OR2L3: variants seen among roughly 807,000 people sequenced by gnomAD.
OR2L3 encodes olfactory receptor family 2 subfamily L member 3.
For missense variants in OR2L3, 369 were observed against 376.6 expected, an observed-to-expected ratio of 0.98 and a Z score of 0.17; for synonymous variants, 131 against 139.1, an observed-to-expected ratio of 0.94 and a Z score of 0.41.
intron 1 of OR2L3, among the ~76,000 whole-genome samples, chr1:248,059,055 G>T (rs1025408044): frequency 2.0e-5 from 3 of 152,092 alleles, no homozygotes; most frequent in Non-Finnish European, 4.4e-5. Flanking sequence ...CATCTCTGAA[G>T]ATATGAATTC....
intron 1 of OR2L3, among the ~76,000 whole-genome samples, chr1:248,060,122 T>C (rs1458509344): frequency 6.6e-6 from 1 of 152,170 alleles, no homozygotes; most frequent in African/African-American, 2.4e-5. Context: ...TAAATCTAAA[T>C]GTATGCATTT....
chr1:248,049,524 A>T (rs1287277395), intron 1 of OR2L3, among the ~76,000 whole-genome samples: 1 of 152,170 alleles, frequency 6.6e-6, no homozygotes, highest in Non-Finnish European at 1.5e-5. Flanking sequence ...CAAGATAGAA[A>T]ATATCTTTCA....
chr1:248,051,382 T>C (rs1005624599), intron 1 of OR2L3: 1 of 152,252 alleles, frequency 6.6e-6, no homozygotes, highest in East Asian at 1.9e-4. Context: ...ATATTTATAT[T>C]GATTTCTTTG....
chr1:248,051,687 C>T (rs1035492449), intron 1 of OR2L3, among the ~76,000 whole-genome samples: 5 of 151,974 alleles, frequency 3.3e-5, no homozygotes, highest in African/African-American at 1.2e-4. Context: ...CAGCATCATG[C>T]AACATATCCA....
chr1:248,061,107 G>T lies in OR2L3; in HGVS notation c.426G>T (p.Leu142=). The change falls in exon 2 of 2, where the codon CTG becomes CTT. Residue 142 remains leucine (L), a synonymous_variant. Coordinates refer to ENST00000359959, the MANE Select transcript of OR2L3 (RefSeq NM_001004687.2). ...GCATGAGCAAAAGAATGTGTGTGCT[G>T]ATGATAACAGGGTCTTGGATCATAG... The part of the protein sequence containing the change: ...PIRMSKRMCV[L]MITGSWIIGS... 6.2e-7 allele frequency: 1 copy of T among 1,613,872 alleles called. No homozygotes were observed.
At chr1:248,051,210 C>G (rs1362746362) in intron 1 of OR2L3, 11 of 152,290 alleles carry the variant, frequency 7.2e-5, no homozygotes, top group Middle Eastern at 6.8e-3. Context: ...CACTTTCCAT[C>G]TCTGTGAATT....
chr1:248,058,274 A>G (rs985753730), intron 1 of OR2L3, among the ~76,000 whole-genome samples: 1 of 152,120 alleles, frequency 6.6e-6, no homozygotes, highest in Non-Finnish European at 1.5e-5. Flanking sequence ...TTGTCCATGT[A>G]TTTTCAGACA....
At position 248,060,961 on chromosome 1, in the gene OR2L3, A is replaced by G; in HGVS notation, c.280A>G (p.Thr94Ala). ...GTCTGGTAACAAGTCTATCTCCTTC[A>G]CTGGGTGTGGGATTCAGAGTTTCTT... Reference protein sequence around the residue: ...FLSGNKSISFTGCGIQSFFFS... With the variant: ...FLSGNKSISFAGCGIQSFFFS... The change falls in exon 2 of 2, where the codon ACT becomes GCT. Residue 94 changes from threonine (T) to alanine (A), a missense_variant. By Grantham distance (58) the Thr-to-Ala change is moderately conservative. Coordinates refer to ENST00000359959, the MANE Select transcript of OR2L3 (RefSeq NM_001004687.2). 1 of 1,613,936 alleles carries G rather than the reference A, an allele frequency of 6.2e-7. No homozygotes were observed. The highest frequency in any genetic ancestry group is 1.1e-5 in the South Asian group (1 of 91,068).
rs1205546721 is a variant in OR2L3 at position 248,046,850 on chromosome 1, G to C, written c.-52G>C. 2 of 152,182 alleles carry C rather than the reference G, an allele frequency of 1.3e-5. No homozygotes were observed. The highest frequency in any genetic ancestry group is 2.4e-5 in the African/African-American group (1 of 41,430). 9.4% of individuals were successfully genotyped at this position (152,182 alleles called of 1,614,324 possible). On this transcript the variant is annotated 5_prime_UTR_variant, in exon 1 of 2. Coordinates refer to ENST00000359959, the MANE Select transcript of OR2L3 (RefSeq NM_001004687.2). ...GACTGCCGTAAGCTAAGCAAAGGCA[G>C]TGAGTGTTTGGAAATGAGGAAATAA...
intron 1 of OR2L3, 27 bp from the exon 2 acceptor site, chr1:248,060,634 T>C: frequency 1.3e-6 from 2 of 1,486,008 alleles, no homozygotes; most frequent in Non-Finnish European, 1.8e-6. Flanking sequence ...ATTTCTGTGC[T>C]TAACTTACCC....
chr1:248,048,498 A>G (rs1354687003), intron 1 of OR2L3, among the ~76,000 whole-genome samples: 2 of 152,158 alleles, frequency 1.3e-5, no homozygotes, highest in Non-Finnish European at 2.9e-5. Context: ...TCTATACTCC[A>G]GAAGACACTC....
Position 248,058,353 on chromosome 1 carries a change from C to G in OR2L3, c.-21-2308C>G, listed in dbSNP as rs1156765876. ...CATTCCTTGATCCATGATACAGACC[C>G]CCATGGATAGTAACTGCTCCCTCCT... On this transcript the variant is annotated intron_variant, in intron 1 of 1. Transcript: ENST00000359959. Among the ~76,000 whole-genome samples the G allele has an allele frequency of 4.6e-5, 7 of 152,232 alleles. No individual in the cohort carries two copies. In the East Asian group the frequency reaches 1.4e-3, roughly 29 times the overall value.
chr1:248,052,464 C>T (rs992440195), intron 1 of OR2L3, among the ~76,000 whole-genome samples: 1 of 152,114 alleles, frequency 6.6e-6, no homozygotes, highest in Non-Finnish European at 1.5e-5. Flanking sequence ...TGCGGTGGCT[C>T]ATGCCGGTAA....
Position 248,062,299 on chromosome 1 carries a change from T to A in OR2L3, c.*679T>A, listed in dbSNP as rs72475100. 14,361 of 152,278 alleles carry A rather than the reference T, an allele frequency of 0.094. 729 individuals are homozygous for A. The highest frequency in any genetic ancestry group is 0.16 in the East Asian group (843 of 5,180). The allele number at this position is 152,278 out of a possible 1,614,324, so 9.4% of individuals were successfully genotyped here. On this transcript the variant is annotated 3_prime_UTR_variant, in exon 2 of 2. Transcript: ENST00000359959. ...ACATGCCAGCAGTAATAAAAATGAT[T>A]ACATTTAGGTCTTTAACCTGTTTTG...
chr1:248,062,399 C>G lies in OR2L3; in HGVS notation c.*779C>G, dbSNP rs1177102412. On this transcript the variant is annotated 3_prime_UTR_variant, in exon 2 of 2. Transcript: ENST00000359959. ...GCTTAAAAATATCCAGTTTTGCCAG[C>G]ACCTTATATTGAAGACACTGTCTTT... 1 of 151,384 alleles carries G rather than the reference C, an allele frequency of 6.6e-6. No individual in the cohort carries two copies. Among genetic ancestry groups the G allele is most frequent in the Admixed American group, 6.6e-5 (1 of 15,196 alleles). The allele number at this position is 151,384 out of a possible 1,614,324, so 9.4% of individuals were successfully genotyped here. A position where few individuals can be genotyped will look rare whatever the true frequency, so the allele number is the denominator to read the frequency against.
In OR2L3 at chr1:248,062,776, G is replaced by C. The variant is rs1663686412; in HGVS notation, c.*1156G>C. 1 of 152,180 alleles carries C rather than the reference G, an allele frequency of 6.6e-6. No individual in the cohort carries two copies. Among genetic ancestry groups the C allele is most frequent in the South Asian group, 2.1e-4 (1 of 4,832 alleles). The allele number at this position is 152,180 out of a possible 1,614,324, so 9.4% of individuals were successfully genotyped here. ...ACAAAGAAATAACCATATTTGAGGTGATGGTTACCCCGATTAACCCGATTT... is the reference window on the plus strand; with the variant it reads ...ACAAAGAAATAACCATATTTGAGGTCATGGTTACCCCGATTAACCCGATTT... On this transcript the variant is annotated 3_prime_UTR_variant, in exon 2 of 2. Transcript: ENST00000359959.
chr1:248,053,378 A>C (rs962619385), intron 1 of OR2L3, among the ~76,000 whole-genome samples: 2 of 152,120 alleles, frequency 1.3e-5, no homozygotes, highest in African/African-American at 4.8e-5. Context: ...GGTTGATTCC[A>C]TGTTTTTGCT....
chr1:248,047,832 A>G (rs1193121358), intron 1 of OR2L3, among the ~76,000 whole-genome samples: 1 of 152,176 alleles, frequency 6.6e-6, no homozygotes, highest in African/African-American at 2.4e-5. Context: ...ATAATGATGA[A>G]GATGCTGAAA....
chr1:248,060,937 T>C lies in OR2L3; in HGVS notation c.256T>C (p.Ser86Pro), dbSNP rs747473495. 10 of 1,613,860 alleles carry C rather than the reference T, an allele frequency of 6.2e-6. No homozygotes were observed. Among genetic ancestry groups the C allele is most frequent in the South Asian group, 1.1e-5 (1 of 91,078 alleles). Reference protein sequence around the residue: ...IVPKMASDFLSGNKSISFTGC... With the variant: ...IVPKMASDFLPGNKSISFTGC... ...TCCTAAGATGGCATCTGATTTTCTG[T>C]CTGGTAACAAGTCTATCTCCTTCAC... is the stretch of plus-strand genomic sequence containing the variant. Residue 86 changes from serine to proline, a missense_variant, in exon 2 of 2, where the codon TCT becomes CCT. Transcript: ENST00000359959.
Sources: allele counts gnomAD v4.1 joint callset (sites outside exome capture counted in the v4.1 genomes callset), GRCh38; gene constraint gnomAD v4.1.1; transcripts MANE v1.5; gene names NCBI Gene and HGNC (gene_info 2026-07-23, HGNC 2026-07-21).